Variants in CAMK2B observed in about 807,000 individuals in gnomAD.
CAMK2B encodes calcium/calmodulin dependent protein kinase II beta.
CAMK2B carries 27 observed loss-of-function variants against 93.7 expected under a neutral mutation model. The ratio of observed to expected loss-of-function variants is 0.29; its 90% CI spans 0.21 to 0.40. CAMK2B has a LOEUF of 0.40. Ranked by LOEUF, CAMK2B falls within the 10% of genes least tolerant of loss-of-function variation. CAMK2B has a pLI of 1.00. For synonymous variants in CAMK2B, 374 were observed against 358.8 expected (o/e 1.04, Z -0.48); for missense variants, 568 against 895.8 (o/e 0.63, Z 4.67).
At chr7:44,242,782 T>C (rs1298417762) in intron 8 of CAMK2B, 128 bp from the exon 9 acceptor site, 6 of 662,392 alleles carry the variant, frequency 9.1e-6, no homozygotes, top group Non-Finnish European at 1.6e-5. Context: ...AGCATTCCTT[T>C]GCCCCCACCT....
chr7:44,228,951 C>T (rs1407178618), intron 18 of CAMK2B, 27 bp from the exon 19 acceptor site: 1 of 1,601,426 alleles, frequency 6.2e-7, no homozygotes, highest in Non-Finnish European at 8.5e-7. Flanking sequence ...GAGACGTGAA[C>T]ATGAGGCAGA....
chr7:44,240,449 A>G (rs532341017), intron 12 of CAMK2B, among the ~76,000 whole-genome samples: 2 of 152,368 alleles, frequency 1.3e-5, no homozygotes, highest in African/African-American at 2.4e-5. Context: ...GGGGCAGCAC[A>G]GACGCTCGTG....
At chr7:44,274,719 G>A (rs1428165074) in intron 2 of CAMK2B, among the ~76,000 whole-genome samples, 2 of 152,246 alleles carry the variant, frequency 1.3e-5, no homozygotes, top group Non-Finnish European at 2.9e-5. Flanking sequence ...GTCTGCTGGC[G>A]GGTGGCCTGG....
At position 44,234,557 on chromosome 7, in the gene CAMK2B, C is replaced by G. The variant is rs2096608088; in HGVS notation, c.1059+82G>C. 1.4e-5 allele frequency: 23 copies of G among 1,597,098 alleles called. No homozygotes were observed. In the South Asian group the frequency reaches 2.3e-4, roughly 16 times the overall value. ...CTCAGGGCATGGGGGGAGGGGGACT[C>G]CAGAGCAGGAGCCCCAGGGCGTGGG... On this transcript the variant is annotated intron_variant, in intron 14 of 23. Transcript: ENST00000395749.
rs1339346660 is a variant in CAMK2B at position 44,292,144 on chromosome 7, G to A, written c.66-7919C>T. Among the ~76,000 whole-genome samples the A allele has an allele frequency of 3.3e-5, 5 of 152,086 alleles. 1 individual carries two copies. The highest frequency in any genetic ancestry group is 3.8e-4 in the East Asian group (2 of 5,200). Reference sequence around the variant, plus strand: ...GTTCCATACCTCTCTCCTGGATTCCGGTGCTGCCTGCAATCCTTGGTGCTA... The same window carrying A: ...GTTCCATACCTCTCTCCTGGATTCCAGTGCTGCCTGCAATCCTTGGTGCTA... On this transcript the variant is annotated intron_variant, in intron 1 of 23. Coordinates refer to ENST00000395749, the MANE Select transcript of CAMK2B (RefSeq NM_001220.5).
intron 16 of CAMK2B, 78 bp from the exon 17 acceptor site, chr7:44,231,132 CTGGGCCTGTGTCAGGA>C: frequency 1.1e-6 from 1 of 949,954 alleles, no homozygotes; most frequent in Non-Finnish European, 1.5e-6. Context: ...GTGGACAGGG[CTGGGCCTGTGTCAGGA>C]CCAGCCCAGG....
chr7:44,280,194 G>A (rs1377544129), intron 2 of CAMK2B, among the ~76,000 whole-genome samples: 2 of 152,234 alleles, frequency 1.3e-5, no homozygotes, highest in African/African-American at 4.8e-5. Context: ...ATGCCCCATG[G>A]TCCCTGGCCG....
At chr7:44,254,260 G>A (rs1319801423) in intron 5 of CAMK2B, among the ~76,000 whole-genome samples, 1 of 152,244 alleles carries the variant, frequency 6.6e-6, no homozygotes, top group African/African-American at 2.4e-5. Context: ...GCCCCACCTG[G>A]ATAGAGCCCA....
At chr7:44,252,123 G>T (rs1220196865) in intron 5 of CAMK2B, among the ~76,000 whole-genome samples, 1 of 152,120 alleles carries the variant, frequency 6.6e-6, no homozygotes. Flanking sequence ...TCAAGGCCGC[G>T]CCTGTGGATT....
At chr7:44,227,874 G>C (rs1360381791) in intron 19 of CAMK2B, among the ~76,000 whole-genome samples, 1 of 126,212 alleles carries the variant, frequency 7.9e-6, no homozygotes, top group East Asian at 2.7e-4. Flanking sequence ...GGGAATTTGG[G>C]GGACAGAGGG....
At chr7:44,263,185 G>A (rs2096894763) in intron 2 of CAMK2B, 121 bp from the exon 3 acceptor site, 1 of 870,778 alleles carries the variant, frequency 1.1e-6, no homozygotes, top group African/African-American at 1.7e-5. Context: ...GAGTGGTTGT[G>A]CCCCCACCAA....
rs1032898835 is a variant in CAMK2B, at chr7:44,248,138, G to C, written c.342-946C>G. On this transcript the variant is annotated intron_variant, in intron 5 of 23. Transcript: ENST00000395749. The surrounding 1 kb of genome is among the most constrained non-coding windows in gnomAD (Gnocchi z 4.1). ...AGGGGCATCTAGTTCAGCTCCCAGGGATCTGAGGGGCTGGGCAGGGGGCTG... is the reference window on the plus strand; with the variant it reads ...AGGGGCATCTAGTTCAGCTCCCAGGCATCTGAGGGGCTGGGCAGGGGGCTG... Among the ~76,000 whole-genome samples the C allele has an allele frequency of 6.6e-5, 10 of 152,130 alleles. No individual in the cohort carries two copies. Among genetic ancestry groups the C allele is most frequent in the African/African-American group, 2.4e-4 (10 of 41,432 alleles).
At chr7:44,234,292 G>T in intron 15 of CAMK2B, 98 bp downstream of exon 15, 1 of 1,139,608 alleles carries the variant, frequency 8.8e-7, no homozygotes, top group Non-Finnish European at 1.2e-6. Context: ...GCCAGGCGGG[G>T]CCAGACCCCA....
intron 18 of CAMK2B, 38 bp from the exon 19 acceptor site, chr7:44,228,962 C>G: frequency 6.2e-7 from 1 of 1,603,748 alleles, no homozygotes; most frequent in Non-Finnish European, 8.5e-7. Flanking sequence ...ATGAGGCAGA[C>G]AGACACACGA....
chr7:44,278,326 C>T (rs916919158), intron 2 of CAMK2B, among the ~76,000 whole-genome samples: 7 of 152,182 alleles, frequency 4.6e-5, no homozygotes, highest in Non-Finnish European at 1.0e-4. Flanking sequence ...TTTGCAACAT[C>T]CCTGTGAGGT....
chr7:44,238,882 C>T (rs986774316), intron 13 of CAMK2B, among the ~76,000 whole-genome samples: 2 of 151,770 alleles, frequency 1.3e-5, no homozygotes, highest in Non-Finnish European at 2.9e-5. Flanking sequence ...TGGGGTCTGC[C>T]CATGGTCACA....
intron 5 of CAMK2B, among the ~76,000 whole-genome samples, chr7:44,247,910 C>T (rs983241357): frequency 4.6e-5 from 7 of 152,088 alleles, no homozygotes; most frequent in Non-Finnish European, 7.4e-5. Flanking sequence ...CGGCTGTAAT[C>T]CCAGCTACTC....
At chr7:44,303,862 TG>T (rs1790753610) in intron 1 of CAMK2B, among the ~76,000 whole-genome samples, 2 of 152,230 alleles carry the variant, frequency 1.3e-5, no homozygotes, top group Admixed American at 6.5e-5. Flanking sequence ...CTGATAAGAC[TG>T]GTTTTCAAAA....
chr7:44,220,363 C>G (rs1360618084), intron 22 of CAMK2B, 69 bp from the exon 23 acceptor site: 12 of 1,212,916 alleles, frequency 9.9e-6, no homozygotes, highest in Non-Finnish European at 1.3e-5. Flanking sequence ...TTCCACCCCA[C>G]CAGCCTAATC....
Sources: allele counts gnomAD v4.1 joint callset (sites outside exome capture counted in the v4.1 genomes callset), GRCh38; gene constraint gnomAD v4.1.1; non-coding constraint Gnocchi (gnomAD v3.1); transcripts MANE v1.5; gene names NCBI Gene and HGNC (gene_info 2026-07-23, HGNC 2026-07-21).